The following DGKD variants were observed in gnomAD, a reference collection of about 807,000 sequenced individuals.
DGKD encodes DAG kinase delta.
In DGKD, 68 loss-of-function variants were observed where a neutral mutation model predicts 154.4. That is an observed-to-expected ratio of 0.44 (90% CI 0.36 to 0.54). DGKD has a LOEUF of 0.54. DGKD is among the 20% of genes least tolerant of loss of function. The probability of loss-of-function intolerance (pLI) is 0.00; values close to 1 mark genes in which losing one functional copy is unlikely to be tolerated. For missense variants in DGKD, 1,343 were observed against 1,593.6 expected (o/e 0.84, Z 2.68); for synonymous variants, 693 against 638.0 (o/e 1.09, Z -1.30).
At chr2:233,386,973 G>C (rs1253790336) in intron 1 of DGKD, among the ~76,000 whole-genome samples, 2 of 152,180 alleles carry the variant, frequency 1.3e-5, no homozygotes, top group African/African-American at 2.4e-5. Flanking sequence ...TGCTGTCCGG[G>C]TGTGGTCCTG....
intron 27 of DGKD, 50 bp downstream of exon 27, chr2:233,464,333 C>T (rs763110822): frequency 1.6e-5 from 25 of 1,602,262 alleles, no homozygotes; most frequent in South Asian, 1.3e-4. Context: ...TGGTGGCTCT[C>T]GCCTGAAGTG....
rs567512499 is a variant in DGKD, at chr2:233,456,963, T to C, written c.2440T>C (p.Tyr814His). 6.2e-7 allele frequency: 1 copy of C among 1,614,186 alleles called. No homozygotes were observed. Among genetic ancestry groups the C allele is most frequent in the Admixed American group, 1.7e-5 (1 of 60,030 alleles). Residue 814 changes from tyrosine (Y) to histidine (H), a missense_variant, in exon 20 of 30, where the codon TAC becomes CAC. Physicochemically the swap from Tyr to His is moderately conservative, Grantham distance 83. Around this residue, in one of 6 missense-constraint regions of DGKD, gnomAD observed 60 missense variants for 112.4 expected, o/e 0.53. Transcript: ENST00000264057. Reference sequence around the variant, plus strand: ...AACCAAAGAGTTGCTGCACAGAACCTACAAGAACCTGGAGCAAAAGGTCTT... The same window carrying C: ...AACCAAAGAGTTGCTGCACAGAACCCACAAGAACCTGGAGCAAAAGGTCTT... ...LGTKELLHRT[Y>H]KNLEQKVLLE... is the part of the protein sequence containing the mutation.
intron 27 of DGKD, among the ~76,000 whole-genome samples, chr2:233,466,875 A>G (rs1035718609): frequency 3.9e-5 from 6 of 152,262 alleles, no homozygotes; most frequent in Non-Finnish European, 8.8e-5. Context: ...AATAGACACT[A>G]TGATCACTTT....
At chr2:233,439,421 C>T (rs374017089) in intron 9 of DGKD, among the ~76,000 whole-genome samples, 8 of 152,358 alleles carry the variant, frequency 5.3e-5, no homozygotes, top group South Asian at 4.1e-4. Flanking sequence ...CACAGCCAGG[C>T]GCAGTCGGAG....
At chr2:233,388,418 CA>C (rs1371828583) in intron 2 of DGKD, 51 bp downstream of exon 2, 1 of 1,548,312 alleles carries the variant, frequency 6.5e-7, no homozygotes, top group African/African-American at 1.4e-5. Context: ...GGAGCCGTCC[CA>C]GGGGAGGAAC....
At chr2:233,369,152 G>T (rs1307140835) in intron 1 of DGKD, among the ~76,000 whole-genome samples, 2 of 152,028 alleles carry the variant, frequency 1.3e-5, no homozygotes, top group Non-Finnish European at 2.9e-5. Context: ...TTATTTTTTG[G>T]GGGGAGGTTC....
chr2:233,412,846 A>G (rs961849209), intron 3 of DGKD, among the ~76,000 whole-genome samples: 1 of 152,216 alleles, frequency 6.6e-6, no homozygotes, highest in Non-Finnish European at 1.5e-5. Flanking sequence ...AAGTGAACAC[A>G]TGGTTTTTTT....
At chr2:233,447,470 C>A in intron 12 of DGKD, 1 of 985,072 alleles carries the variant, frequency 1.0e-6, no homozygotes, top group Non-Finnish European at 1.2e-6. Flanking sequence ...GGGCCCACGG[C>A]CTTGCAAGCG....
In DGKD at chr2:233,457,885, A is replaced by C; in HGVS notation, c.2581-399A>C. On this transcript the variant is annotated intron_variant, in intron 21 of 29. Transcript: ENST00000264057. This position sits in a 1 kb window ranked among gnomAD's most constrained non-coding sequence, Gnocchi z 5.5. ...ACTGTGGGAAGGTGTTGATAGGTTT[A>C]AACCTGGTTTAAACCTTCCTTTGTA... 1 of 328,042 alleles carries C rather than the reference A, an allele frequency of 3.0e-6. No individual in the cohort carries two copies. Among genetic ancestry groups the C allele is most frequent in the Non-Finnish European group, 6.0e-6 (1 of 167,182 alleles). 20.3% of individuals were successfully genotyped at this position (328,042 alleles called of 1,614,324 possible). A position where few individuals can be genotyped will look rare whatever the true frequency, so the allele number is the denominator to read the frequency against.
intron 1 of DGKD, 97 bp from the exon 2 acceptor site, chr2:233,388,160 A>T: frequency 6.4e-7 from 1 of 1,558,724 alleles, no homozygotes; most frequent in Non-Finnish European, 8.7e-7. Flanking sequence ...TGTTAGAGAC[A>T]CGAATATGTT....
rs939743452 is a variant in DGKD at position 233,440,090 on chromosome 2, C to T, written c.1085+1711C>T. Among the ~76,000 whole-genome samples the T allele has an allele frequency of 6.6e-6, 1 of 152,078 alleles. No individual in the cohort carries two copies. The highest frequency in any genetic ancestry group is 1.5e-5 in the Non-Finnish European group (1 of 68,022). ...GGTGTGCAAGCAAAACCCCATGTTT[C>T]GTAGTGGGAGTTAAGTATGAGATGG... On this transcript the variant is annotated intron_variant, in intron 9 of 29. Transcript: ENST00000264057. This position sits in a 1 kb window ranked among gnomAD's most constrained non-coding sequence, Gnocchi z 4.9.
chr2:233,359,011 A>T lies in DGKD; in HGVS notation c.156+4337A>T, dbSNP rs1051856892. Among the ~76,000 whole-genome samples, 4 of 152,218 alleles carry T rather than the reference A, an allele frequency of 2.6e-5. No individual in the cohort carries two copies. In the East Asian group the frequency reaches 7.7e-4, roughly 29 times the overall value. On this transcript the variant is annotated intron_variant, in intron 1 of 29. Transcript: ENST00000264057. ...TTTACATTCCCACCAGCTGTGTATGAGGAGGGTTCCAATTTTTCCACATCC... is the reference window on the plus strand; with the variant it reads ...TTTACATTCCCACCAGCTGTGTATGTGGAGGGTTCCAATTTTTCCACATCC...
intron 3 of DGKD, chr2:233,419,480 A>C: frequency 5.3e-5 from 52 of 979,294 alleles, no homozygotes; most frequent in South Asian, 1.4e-4. Flanking sequence ...TGGTGAGTTC[A>C]AGGTCAGGGT....
In DGKD at chr2:233,441,914, A is replaced by G. The variant is rs749124758; in HGVS notation, c.1113A>G (p.Thr371=). The change falls in exon 10 of 30, where the codon ACA becomes ACG. Residue 371 remains threonine, a synonymous_variant. Transcript: ENST00000264057. This position sits in a 1 kb window ranked among gnomAD's most constrained non-coding sequence, Gnocchi z 5.6. Reference sequence around the variant, plus strand: ...TACGGTTATTCCAGAAGTTTGACACATTCCGGATTCTGGTTTGTGGCGGGG... The same window carrying G: ...TACGGTTATTCCAGAAGTTTGACACGTTCCGGATTCTGGTTTGTGGCGGGG... ...LGLRLFQKFD[T]FRILVCGGDG... The G allele has an allele frequency of 1.2e-6, 2 of 1,614,118 alleles. No individual in the cohort carries two copies. The highest frequency in any genetic ancestry group is 1.7e-6 in the Non-Finnish European group (2 of 1,179,992).
At chr2:233,409,126 CTGTT>C (rs2061759569) in intron 3 of DGKD, 1 of 152,124 alleles carries the variant, frequency 6.6e-6, no homozygotes, top group Non-Finnish European at 1.5e-5. Flanking sequence ...CTCGTCTGGG[CTGTT>C]TGTTTAGATT....
At chr2:233,366,778 C>G (rs1266402096) in intron 1 of DGKD, among the ~76,000 whole-genome samples, 1 of 151,870 alleles carries the variant, frequency 6.6e-6, no homozygotes, top group Admixed American at 6.6e-5. Context: ...GGGTCAGGGC[C>G]CGATTGGATG....
chr2:233,376,677 A>G (rs1702590306), intron 1 of DGKD, among the ~76,000 whole-genome samples: 1 of 152,180 alleles, frequency 6.6e-6, no homozygotes, highest in Non-Finnish European at 1.5e-5. Context: ...TCAGCAAACT[A>G]TCACAAGGAC....
At chr2:233,415,659 T>C (rs916431806) in intron 3 of DGKD, among the ~76,000 whole-genome samples, 1 of 152,252 alleles carries the variant, frequency 6.6e-6, no homozygotes, top group Non-Finnish European at 1.5e-5. Context: ...GGTTTCACTC[T>C]GTCGCCCTGT....
rs2063127579 is a variant in DGKD at position 233,447,637 on chromosome 2, C to T, written c.1420-450C>T. ...GGTCCTAAGGACAGCAGGGATCCCACAGGGATAGGGCTGCCCTTCTGACAG... is the reference window on the plus strand; with the variant it reads ...GGTCCTAAGGACAGCAGGGATCCCATAGGGATAGGGCTGCCCTTCTGACAG... On this transcript the variant is annotated intron_variant, in intron 12 of 29. Coordinates refer to ENST00000264057, the MANE Select transcript of DGKD (RefSeq NM_152879.3). 3.0e-6 allele frequency: 3 copies of T among 996,114 alleles called. No individual in the cohort carries two copies. The African/African-American group carries it at 5.2e-5, about 17-fold the overall frequency. 61.7% of individuals were successfully genotyped at this position (996,114 alleles called of 1,614,324 possible). A position where few individuals can be genotyped will look rare whatever the true frequency, so the allele number is the denominator to read the frequency against.
Sources: gnomAD v4.1 joint callset for allele counts (sites outside exome capture counted in the v4.1 genomes callset) on GRCh38, gnomAD v4.1.1 for gene constraint, gnomAD v4.1.1 regional missense constraint, Gnocchi (gnomAD v3.1) non-coding constraint, MANE v1.5 for transcripts, NCBI Gene and HGNC (gene_info 2026-07-23, HGNC 2026-07-21) for gene names.